The following PCDHA9 variants were observed in gnomAD, a reference collection of about 807,000 sequenced individuals.
The protein encoded by PCDHA9 is protocadherin alpha 9.
Under a neutral mutation model 62.0 loss-of-function variants are expected in PCDHA9, and 62 were observed. That is an observed-to-expected ratio of 1.00 (90% CI 0.81 to 1.23). The LOEUF is 1.23. PCDHA9 is among the 50% of genes most tolerant of loss of function. The pLI is 0.00. For missense variants in PCDHA9, 1,205 were observed against 1,249.8 expected (o/e 0.96, Z 0.54); for synonymous variants, 557 against 567.6 (o/e 0.98, Z 0.27).
Position 141,000,581 on chromosome 5 carries a change from C to G in PCDHA9, c.2543-9046C>G, listed in dbSNP as rs960660351. On this transcript the variant is annotated intron_variant, in intron 3 of 3. Transcript: ENST00000532602. ...TAGCTGGGATTACAGGTGCCTGCCA[C>G]CATGCCCAGCTAATTTTTGTATTTT... is the stretch of plus-strand genomic sequence containing the variant. 2.0e-5 allele frequency among the ~76,000 whole-genome samples: 3 copies of G among 150,722 alleles called. No individual in the cohort carries two copies. In the East Asian group the frequency reaches 5.8e-4, roughly 29 times the overall value.
chr5:140,953,938 C>T (rs1349031672), intron 1 of PCDHA9, among the ~76,000 whole-genome samples: 1 of 152,088 alleles, frequency 6.6e-6, no homozygotes, highest in African/African-American at 2.4e-5. Context: ...CTCTCCCTCC[C>T]ATTGCTCCCC....
intron 1 of PCDHA9, chr5:140,928,089 T>G: frequency 6.2e-7 from 1 of 1,614,192 alleles, no homozygotes; most frequent in Non-Finnish European, 8.5e-7. Context: ...GCCTGCTGAT[T>G]GATGGGCCCC....
chr5:140,928,473 C>T (rs782009999), intron 1 of PCDHA9: 1 of 1,613,978 alleles, frequency 6.2e-7, no homozygotes, highest in Admixed American at 1.7e-5. Context: ...AAGTAGAAGG[C>T]CGGGATGGTG....
chr5:140,967,836 A>G, intron 1 of PCDHA9: 1 of 1,614,136 alleles, frequency 6.2e-7, no homozygotes, highest in African/African-American at 1.3e-5. Flanking sequence ...GACATCGTGG[A>G]CGTGAATGAC....
chr5:140,957,407 A>G lies in PCDHA9; in HGVS notation c.2395-21542A>G, dbSNP rs570373783. On this transcript the variant is annotated intron_variant, in intron 1 of 3. Coordinates refer to ENST00000532602, the MANE Select transcript of PCDHA9 (RefSeq NM_031857.2). ...GTTATAATTGTCCTAATTTATTATT[A>G]TTGTTGTTAATCTTTTACTGTGCCT... Among the ~76,000 whole-genome samples, 13 of 152,274 alleles carry G rather than the reference A, an allele frequency of 8.5e-5. No homozygotes were observed. The South Asian group carries it at 2.7e-3, about 32-fold the overall frequency.
At chr5:140,908,692 C>G (rs2074096551) in intron 1 of PCDHA9, among the ~76,000 whole-genome samples, 1 of 152,208 alleles carries the variant, frequency 6.6e-6, no homozygotes, top group South Asian at 2.1e-4. Context: ...CTGCCACTGA[C>G]ACCTCAAGCA....
chr5:140,857,392 C>T lies in PCDHA9; in HGVS notation c.2394+6503C>T, dbSNP rs142727326. ...TGTCTGTGGAGGTGGCCGACGTGAA[C>T]GACAACGCGCCTGCGTTCGCGCAGT... On this transcript the variant is annotated intron_variant, in intron 1 of 3. Coordinates refer to ENST00000532602, the MANE Select transcript of PCDHA9 (RefSeq NM_031857.2). 2.9e-5 allele frequency: 46 copies of T among 1,598,470 alleles called. 4 individuals are homozygous for T. Among genetic ancestry groups the T allele is most frequent in the Non-Finnish European group, 3.6e-5 (42 of 1,167,894 alleles).
At chr5:140,899,479 A>T (rs2067352016) in intron 1 of PCDHA9, among the ~76,000 whole-genome samples, 1 of 152,194 alleles carries the variant, frequency 6.6e-6, no homozygotes, top group Non-Finnish European at 1.5e-5. Flanking sequence ...TTCTGTTTAT[A>T]TGCTGGATTA....
At position 140,850,031 on chromosome 5, in the gene PCDHA9, G is replaced by A. The variant is rs2150464401; in HGVS notation, c.1536G>A (p.Ala512=). ...RSLSSYVSVH[A]ESGKVYALQP... ...TGTCGAGCTACGTGTCAGTGCACGCGGAGAGCGGCAAGGTGTACGCGCTGC... is the reference window on the plus strand; with the variant it reads ...TGTCGAGCTACGTGTCAGTGCACGCAGAGAGCGGCAAGGTGTACGCGCTGC... The change falls in exon 1 of 4, where the codon GCG becomes GCA. Residue 512 remains alanine (A), a synonymous_variant. Coordinates refer to ENST00000532602, the MANE Select transcript of PCDHA9 (RefSeq NM_031857.2). 3.1e-6 allele frequency: 5 copies of A among 1,596,722 alleles called. No individual in the cohort carries two copies. The highest frequency in any genetic ancestry group is 4.5e-5 in the East Asian group (2 of 44,850).
At chr5:140,928,994 T>G (rs781964406) in intron 1 of PCDHA9, 2 of 1,613,992 alleles carry the variant, frequency 1.2e-6, no homozygotes, top group Admixed American at 3.3e-5. Flanking sequence ...TGCTTACTTT[T>G]CTTCGTGTGT....
intron 1 of PCDHA9, among the ~76,000 whole-genome samples, chr5:140,911,208 G>A (rs1554194651): frequency 6.6e-6 from 1 of 152,154 alleles, no homozygotes; most frequent in Non-Finnish European, 1.5e-5. Flanking sequence ...TGCCACTACT[G>A]GGGATGAGAA....
chr5:140,898,407 C>T (rs556061781), intron 1 of PCDHA9, among the ~76,000 whole-genome samples: 90 of 152,094 alleles, frequency 5.9e-4, no homozygotes, highest in Middle Eastern at 3.4e-3. Flanking sequence ...TTTCTACATA[C>T]GGCTAGCCAG....
At position 140,887,996 on chromosome 5, in the gene PCDHA9, AAT is replaced by A. The variant is rs1258672316; in HGVS notation, c.2394+37109_2394+37110del. 4.6e-5 allele frequency among the ~76,000 whole-genome samples: 7 copies of A among 152,330 alleles called. No individual in the cohort carries two copies. In the East Asian group the frequency reaches 7.7e-4, roughly 17 times the overall value. ...AAATTTATTTTACATGTCTCCACCGAATAGTCATCTTTTTATCTATATGTTTG... is the reference window on the plus strand; with the variant it reads ...AAATTTATTTTACATGTCTCCACCGAAGTCATCTTTTTATCTATATGTTTG... On this transcript the variant is annotated intron_variant, in intron 1 of 3. Coordinates refer to ENST00000532602, the MANE Select transcript of PCDHA9 (RefSeq NM_031857.2).
intron 1 of PCDHA9, among the ~76,000 whole-genome samples, chr5:140,921,032 T>A (rs6887800): frequency 0.023 from 3,565 of 152,036 alleles, 50 homozygotes; most frequent in Middle Eastern, 0.034. Context: ...TAGACTGGGG[T>A]GCAGTGGGGC....
At chr5:140,929,034 C>A in intron 1 of PCDHA9, 4 of 1,614,158 alleles carry the variant, frequency 2.5e-6, no homozygotes, top group Non-Finnish European at 3.4e-6. Flanking sequence ...CAGGCTGTTG[C>A]GCTCAGAGCT....
chr5:140,926,787 A>G, intron 1 of PCDHA9: 2 of 1,420,842 alleles, frequency 1.4e-6, no homozygotes, highest in Non-Finnish European at 1.8e-6. Context: ...GACGGCCGGC[A>G]GGAGCGTGCT....
chr5:140,997,668 T>TTGTGTGTGTGTG (rs35184029), intron 3 of PCDHA9, among the ~76,000 whole-genome samples: 18 of 148,344 alleles, frequency 1.2e-4, no homozygotes, highest in Middle Eastern at 3.4e-3. Flanking sequence ...ATTATACAGC[T>TTGTGTGTGTGTG]TGTGTGTGTG....
chr5:140,927,526 G>A, intron 1 of PCDHA9: 1 of 1,614,086 alleles, frequency 6.2e-7, no homozygotes, highest in South Asian at 1.1e-5. Flanking sequence ...CGGGCTACCT[G>A]CCCGCTCAGG....
chr5:140,877,334 C>A (rs375199455), intron 1 of PCDHA9: 13 of 1,614,002 alleles, frequency 8.1e-6, no homozygotes, highest in Non-Finnish European at 1.0e-5. Flanking sequence ...GCGCACATCC[C>A]GTTCCACGTG....
Sources: gnomAD v4.1 joint callset for allele counts (sites outside exome capture counted in the v4.1 genomes callset) on GRCh38, gnomAD v4.1.1 for gene constraint, MANE v1.5 for transcripts, NCBI Gene and HGNC (gene_info 2026-07-23, HGNC 2026-07-21) for gene names.